Variants in RARB observed in about 807,000 individuals in gnomAD.
RARB encodes retinoic acid receptor beta.
In RARB, 17 loss-of-function variants were observed where a neutral mutation model predicts 51.9. The ratio of observed to expected loss-of-function variants is 0.33; its 90% confidence interval spans 0.22 to 0.49. The LOEUF (loss-of-function observed/expected upper bound fraction) is 0.49, where lower values mean the gene tolerates loss of function less well. RARB is among the 20% of genes least tolerant of loss of function. The pLI is 0.99. For missense variants in RARB, 369 were observed against 550.8 expected (o/e 0.67, Z 3.30); for synonymous variants, 215 against 195.4 (o/e 1.10, Z -0.84).
At position 25,080,446 on chromosome 3, in the gene RARB, C is replaced by A. The variant is rs146498381; in HGVS notation, c.-328+20270C>A. ...GCTCTCAACTGTTAAAGTAGAATGGCTGGAATGTATGGTAATTTTACATCT... is the reference window on the plus strand; with the variant it reads ...GCTCTCAACTGTTAAAGTAGAATGGATGGAATGTATGGTAATTTTACATCT... On this transcript the variant is annotated intron_variant, in intron 3 of 11. Transcript: ENST00000383772. 2.6e-5 allele frequency among the ~76,000 whole-genome samples: 4 copies of A among 152,296 alleles called. No homozygotes were observed. The East Asian group carries it at 7.7e-4, about 29-fold the overall frequency.
At chr3:25,179,914 T>C (rs1043084818) in intron 5 of RARB, among the ~76,000 whole-genome samples, 1 of 152,198 alleles carries the variant, frequency 6.6e-6, no homozygotes, top group African/African-American at 2.4e-5. Flanking sequence ...AGAACCACAA[T>C]TACTTTTGCA....
In RARB at chr3:25,338,096, A is replaced by AAC. The variant is rs10523484; in HGVS notation, c.179-123059_179-123058dup. ...GTATGTCACCCCCCTCCAAACCCCC[A>AAC]ACACACACACACACACACACACACA... On this transcript the variant is annotated intron_variant, in intron 5 of 11. Transcript: ENST00000383772. Among the ~76,000 whole-genome samples the AAC allele has an allele frequency of 6.1e-3, 872 of 144,040 alleles. 4 individuals are homozygous for AAC. The highest frequency in any genetic ancestry group is 0.011 in the East Asian group (52 of 4,802). The allele number at this position is 144,040 out of a possible 152,430, so 94.5% of individuals were successfully genotyped here.
At chr3:24,876,647 A>G (rs1307351460) in intron 2 of RARB, among the ~76,000 whole-genome samples, 2 of 152,120 alleles carry the variant, frequency 1.3e-5, no homozygotes, top group African/African-American at 4.8e-5. Context: ...CTCAAGTAGT[A>G]TAAACCAGTC....
chr3:25,533,418 T>A (rs555001471), intron 3 of RARB, among the ~76,000 whole-genome samples: 1 of 152,318 alleles, frequency 6.6e-6, no homozygotes, highest in Admixed American at 6.5e-5. Flanking sequence ...GTGTCATTAG[T>A]TGCCTGGATA....
intron 4 of RARB, among the ~76,000 whole-genome samples, chr3:25,147,218 G>A (rs1456952103): frequency 6.6e-6 from 1 of 152,080 alleles, no homozygotes; most frequent in Non-Finnish European, 1.5e-5. Flanking sequence ...AAGCACTCTA[G>A]GTGATTATCT....
intron 3 of RARB, among the ~76,000 whole-genome samples, chr3:25,528,078 G>T (rs1206642963): frequency 6.6e-6 from 1 of 152,200 alleles, no homozygotes; most frequent in Non-Finnish European, 1.5e-5. Context: ...TGTCTGCGGA[G>T]TTGGCACCAG....
chr3:24,969,343 G>T (rs1006749757), intron 2 of RARB, among the ~76,000 whole-genome samples: 3 of 151,996 alleles, frequency 2.0e-5, no homozygotes, highest in Admixed American at 2.0e-4. Flanking sequence ...TCTGTGAGGG[G>T]CATTATTATA....
intron 2 of RARB, among the ~76,000 whole-genome samples, chr3:24,940,858 C>T (rs1042558918): frequency 1.3e-5 from 2 of 152,218 alleles, no homozygotes; most frequent in Admixed American, 1.3e-4. Flanking sequence ...AGTAAGCTTT[C>T]CCATCTTATA....
At chr3:24,936,262 C>G (rs766444967) in intron 2 of RARB, among the ~76,000 whole-genome samples, 5 of 152,000 alleles carry the variant, frequency 3.3e-5, no homozygotes, top group African/African-American at 1.2e-4. Flanking sequence ...TCCTGAGATT[C>G]TATTTTACAA....
intron 2 of RARB, among the ~76,000 whole-genome samples, chr3:24,943,108 CT>C (rs1559405649): frequency 6.6e-6 from 1 of 152,166 alleles, no homozygotes; most frequent in Non-Finnish European, 1.5e-5. Flanking sequence ...AAGACAGTTT[CT>C]TGACTTAGAT....
intron 2 of RARB, among the ~76,000 whole-genome samples, chr3:24,952,114 G>A (rs1575088018): frequency 1.3e-5 from 2 of 152,100 alleles, no homozygotes; most frequent in East Asian, 3.9e-4. Flanking sequence ...AGTGGCTCAT[G>A]CTATAATCCT....
At chr3:25,347,759 G>C (rs757865017) in intron 5 of RARB, among the ~76,000 whole-genome samples, 1 of 152,172 alleles carries the variant, frequency 6.6e-6, no homozygotes, top group Non-Finnish European at 1.5e-5. Context: ...TGTGACAGGC[G>C]GAAGAGTGAA....
chr3:25,155,226 T>A (rs1463797702), intron 4 of RARB, among the ~76,000 whole-genome samples: 1 of 152,212 alleles, frequency 6.6e-6, no homozygotes, highest in Non-Finnish European at 1.5e-5. Flanking sequence ...TGTTCTGTCA[T>A]GTCTTTTCTG....
At chr3:25,540,328 C>T (rs905754275) in intron 3 of RARB, among the ~76,000 whole-genome samples, 1 of 152,110 alleles carries the variant, frequency 6.6e-6, no homozygotes, top group Non-Finnish European at 1.5e-5. Flanking sequence ...TTTTAATCTT[C>T]CTAGTTAATT....
At chr3:24,965,791 G>A (rs1309456766) in intron 2 of RARB, among the ~76,000 whole-genome samples, 1 of 152,122 alleles carries the variant, frequency 6.6e-6, no homozygotes, top group East Asian at 1.9e-4. Flanking sequence ...TATTGGAAAT[G>A]TCACTTTAGC....
At chr3:25,472,096 T>C (rs1176187223) in intron 2 of RARB, among the ~76,000 whole-genome samples, 1 of 152,214 alleles carries the variant, frequency 6.6e-6, no homozygotes, top group African/African-American at 2.4e-5. Flanking sequence ...TGCATTTTCA[T>C]GTATGAAATT....
chr3:25,276,191 C>G (rs2125413737), intron 5 of RARB, among the ~76,000 whole-genome samples: 1 of 152,060 alleles, frequency 6.6e-6, no homozygotes, highest in East Asian at 1.9e-4. Flanking sequence ...TTGATAATAG[C>G]TATTCTAACT....
At chr3:25,040,307 G>T (rs1048115627) in intron 2 of RARB, among the ~76,000 whole-genome samples, 3 of 152,172 alleles carry the variant, frequency 2.0e-5, no homozygotes, top group Non-Finnish European at 4.4e-5. Flanking sequence ...CAACAAGCTT[G>T]CATCTGATTT....
Position 25,401,147 on chromosome 3 carries a change from G to T in RARB, c.179-60046G>T, listed in dbSNP as rs146360669. Among the ~76,000 whole-genome samples, 27 of 152,234 alleles carry T rather than the reference G, an allele frequency of 1.8e-4. No homozygotes were observed. The East Asian group carries it at 5.2e-3, about 29-fold the overall frequency. On this transcript the variant is annotated intron_variant, in intron 5 of 11. Coordinates refer to the RARB transcript ENST00000383772. Reference sequence around the variant, plus strand: ...CAAAACTTGAAATTTAGGAGGAGAGGCTGTGGAAAACATTCAGGCTCCTCT... The same window carrying T: ...CAAAACTTGAAATTTAGGAGGAGAGTCTGTGGAAAACATTCAGGCTCCTCT...
Sources: gnomAD v4.1 joint callset for allele counts (sites outside exome capture counted in the v4.1 genomes callset) on GRCh38, gnomAD v4.1.1 for gene constraint, MANE v1.5 for transcripts, NCBI Gene and HGNC (gene_info 2026-07-23, HGNC 2026-07-21) for gene names.